The following COL26A1 variants were observed in gnomAD, a reference collection of about 807,000 sequenced individuals.
The protein encoded by COL26A1 is collagen alpha-1(XXVI) chain.
In COL26A1, 41 loss-of-function variants were observed where a neutral mutation model predicts 59.3. That is an observed-to-expected ratio of 0.69 (90% CI 0.54 to 0.90). The LOEUF (loss-of-function observed/expected upper bound fraction) is 0.90, where lower values mean the gene tolerates loss of function less well. Among genes scored for constraint, COL26A1 ranks in the 40% least tolerant of loss-of-function variants. The pLI is 0.00. For synonymous variants in COL26A1, 266 were observed against 256.0 expected, an observed-to-expected ratio of 1.04 and a Z score of -0.37; for missense variants, 612 against 602.3, an observed-to-expected ratio of 1.02 and a Z score of -0.17.
intron 1 of COL26A1, among the ~76,000 whole-genome samples, chr7:101,397,206 G>C (rs1332839634): frequency 6.6e-6 from 1 of 152,122 alleles, no homozygotes; most frequent in Non-Finnish European, 1.5e-5. Flanking sequence ...TCATGTTTCT[G>C]TGATTCTTTG....
chr7:101,524,655 A>T (rs1795204405), intron 3 of COL26A1, among the ~76,000 whole-genome samples: 1 of 152,154 alleles, frequency 6.6e-6, no homozygotes, highest in South Asian at 2.1e-4. Context: ...AGTTTTCAGG[A>T]GATTTAGTCC....
At chr7:101,369,672 C>T (rs1259474917) in intron 1 of COL26A1, among the ~76,000 whole-genome samples, 1 of 151,320 alleles carries the variant, frequency 6.6e-6, no homozygotes, top group Non-Finnish European at 1.5e-5. Context: ...GTCTGTTGTT[C>T]TGTACAGTGT....
At chr7:101,525,972 G>A (rs914963245) in intron 3 of COL26A1, among the ~76,000 whole-genome samples, 6 of 152,174 alleles carry the variant, frequency 3.9e-5, no homozygotes, top group African/African-American at 1.4e-4. Flanking sequence ...CAGCCACAGT[G>A]GGCCATGCTG....
At chr7:101,436,422 C>G (rs1792916041) in intron 2 of COL26A1, among the ~76,000 whole-genome samples, 1 of 152,092 alleles carries the variant, frequency 6.6e-6, no homozygotes, top group African/African-American at 2.4e-5. Context: ...GTGGGGGTTC[C>G]TAGTGAGGAA....
intron 1 of COL26A1, among the ~76,000 whole-genome samples, chr7:101,394,618 T>C (rs1791811274): frequency 7.0e-6 from 1 of 142,850 alleles, no homozygotes; most frequent in Non-Finnish European, 1.5e-5. Flanking sequence ...AGATGGGGTC[T>C]CGCTATGTTG....
At chr7:101,520,544 G>A (rs1269345397) in intron 3 of COL26A1, among the ~76,000 whole-genome samples, 2 of 151,874 alleles carry the variant, frequency 1.3e-5, no homozygotes, top group African/African-American at 4.8e-5. Flanking sequence ...AAAATTAGCT[G>A]GGCATGGTGG....
chr7:101,556,893 GTGGA>G (rs145625482), intron 12 of COL26A1, among the ~76,000 whole-genome samples: 1,616 of 146,634 alleles, frequency 0.011, 22 homozygotes, highest in African/African-American at 0.033. Context: ...GAATGACTGA[GTGGA>G]TGGATGGATG....
intron 3 of COL26A1, among the ~76,000 whole-genome samples, chr7:101,455,503 CTTTTTTT>C (rs10690062): frequency 8.6e-6 from 1 of 116,570 alleles, no homozygotes; most frequent in African/African-American, 3.4e-5. Context: ...CTTTTCTTTT[CTTTTTTT>C]TTTTTTTTTT....
At chr7:101,501,738 C>T (rs1390594963) in intron 3 of COL26A1, among the ~76,000 whole-genome samples, 2 of 152,218 alleles carry the variant, frequency 1.3e-5, no homozygotes, top group Non-Finnish European at 2.9e-5. Context: ...CTTGGAGGTG[C>T]ATGCTCATAG....
intron 3 of COL26A1, among the ~76,000 whole-genome samples, chr7:101,469,146 A>G (rs748856466): frequency 6.6e-6 from 1 of 152,200 alleles, no homozygotes; most frequent in Non-Finnish European, 1.5e-5. Flanking sequence ...ACTGTAGGGC[A>G]GAGGAATAGC....
chr7:101,470,250 C>G (rs1793863996), intron 3 of COL26A1, among the ~76,000 whole-genome samples: 3 of 152,014 alleles, frequency 2.0e-5, no homozygotes, highest in Admixed American at 2.0e-4. Flanking sequence ...CAGGCGCGCA[C>G]CGCCATGTCC....
At chr7:101,533,166 GGCCTGGGGAGCT>G in intron 4 of COL26A1, 23 bp downstream of exon 4, 1 of 1,576,082 alleles carries the variant, frequency 6.3e-7, no homozygotes, top group Non-Finnish European at 8.6e-7. Context: ...GGGGAGTCTG[GGCCTGGGGAGCT>G]GCCTGGGGAC....
intron 9 of COL26A1, among the ~76,000 whole-genome samples, chr7:101,549,734 C>T (rs978628801): frequency 1.3e-5 from 2 of 152,220 alleles, no homozygotes; most frequent in Non-Finnish European, 1.5e-5. Context: ...TATCCTCCTC[C>T]TGTTATGCCA....
At chr7:101,411,558 T>A (rs1264194646) in intron 1 of COL26A1, among the ~76,000 whole-genome samples, 1 of 152,048 alleles carries the variant, frequency 6.6e-6, no homozygotes, top group Non-Finnish European at 1.5e-5. Context: ...GGAGTCTGGG[T>A]GATTTGCTCC....
intron 3 of COL26A1, among the ~76,000 whole-genome samples, chr7:101,532,775 T>C (rs1357080708): frequency 2.6e-5 from 4 of 152,174 alleles, no homozygotes; most frequent in African/African-American, 7.2e-5. Context: ...CTGAGATTCA[T>C]GGGTGAACAC....
chr7:101,459,325 A>T (rs1438093763), intron 3 of COL26A1, among the ~76,000 whole-genome samples: 5 of 151,750 alleles, frequency 3.3e-5, no homozygotes, highest in Non-Finnish European at 5.9e-5. Context: ...TTTGAGACGG[A>T]GTCTCGCTCT....
At chr7:101,484,710 G>C (rs1398307900) in intron 3 of COL26A1, among the ~76,000 whole-genome samples, 1 of 151,186 alleles carries the variant, frequency 6.6e-6, no homozygotes, top group African/African-American at 2.4e-5. Flanking sequence ...CTGTCACCCA[G>C]GCTAGAGTAC....
Position 101,547,138 on chromosome 7 carries a change from G to A in COL26A1, c.857-18G>A, listed in dbSNP as rs901102188. On this transcript the variant is annotated intron_variant, in intron 7 of 12. Transcript: ENST00000313669. Reference sequence around the variant, plus strand: ...GGTCTGCCCCACCAGACCCCTGGCCGCTCCGCTCTTCCCACAGATGGAGAC... The same window carrying A: ...GGTCTGCCCCACCAGACCCCTGGCCACTCCGCTCTTCCCACAGATGGAGAC... The A allele has an allele frequency of 1.7e-5, 27 of 1,564,514 alleles. No individual in the cohort carries two copies. In the African/African-American group the frequency reaches 1.9e-4, roughly 11 times the overall value.
At chr7:101,394,585 CTTTTTT>C (rs59966789) in intron 1 of COL26A1, among the ~76,000 whole-genome samples, 60 of 122,794 alleles carry the variant, frequency 4.9e-4, no homozygotes, top group African/African-American at 9.2e-4. Flanking sequence ...TTTTTCTTTT[CTTTTTT>C]TTTTTTTTTT....
Sources: gnomAD v4.1 joint callset for allele counts (sites outside exome capture counted in the v4.1 genomes callset) on GRCh38, gnomAD v4.1.1 for gene constraint, MANE v1.5 for transcripts, NCBI Gene and HGNC (gene_info 2026-07-23, HGNC 2026-07-21) for gene names.